PNPT1: variants seen among roughly 807,000 people sequenced by gnomAD.
PNPT1 encodes the protein polyribonucleotide nucleotidyltransferase 1.
In PNPT1, 53 loss-of-function variants were observed where a neutral mutation model predicts 119.5. The ratio of observed to expected loss-of-function variants is 0.44; its 90% CI spans 0.36 to 0.56. The LOEUF (loss-of-function observed/expected upper bound fraction) is 0.56, where lower values mean the gene tolerates loss of function less well. Among genes scored for constraint, PNPT1 ranks in the 20% least tolerant of loss-of-function variants. PNPT1 has a pLI of 0.00. For synonymous variants in PNPT1, 357 were observed against 322.1 expected (o/e 1.11, Z -1.16); for missense variants, 948 against 938.5 (o/e 1.01, Z -0.13).
chr2:55,652,043 T>G (rs1257180442), intron 18 of PNPT1, among the ~76,000 whole-genome samples: 1 of 152,224 alleles, frequency 6.6e-6, no homozygotes, highest in Admixed American at 6.5e-5. Flanking sequence ...GCTCCTAATA[T>G]GCCCAGTCAA....
At position 55,656,151 on chromosome 2, in the gene PNPT1, G is replaced by C; in HGVS notation, c.1421C>G (p.Ser474Cys). 1 of 1,613,316 alleles carries C rather than the reference G, an allele frequency of 6.2e-7. No homozygotes were observed. ...CATACCATTTGACTCTAGGACTTCA[G>C]ATGTAACTCTTATGGTGAAAGGAAA... ...RDFPFTIRVT[S>C]EVLESNGSSS... Residue 474 changes from serine (S) to cysteine (C), a missense_variant, in exon 17 of 28, where the codon TCT (serine) becomes TGT (cysteine). Ser to Cys is a moderately radical substitution (Grantham distance 112). Transcript: ENST00000447944.
At chr2:55,650,369 T>C (rs1696136709) in intron 18 of PNPT1, among the ~76,000 whole-genome samples, 4 of 152,204 alleles carry the variant, frequency 2.6e-5, no homozygotes, top group African/African-American at 9.7e-5. Context: ...GGTCTCCAGC[T>C]CCTAACTGCG....
chr2:55,646,862 A>G (rs1559089297), intron 19 of PNPT1, among the ~76,000 whole-genome samples: 3 of 152,102 alleles, frequency 2.0e-5, no homozygotes, highest in Non-Finnish European at 2.9e-5. Flanking sequence ...ATTTTGAGAC[A>G]CAGTCTTGCT....
rs143995970 is a variant in PNPT1, at chr2:55,635,084, A to G, written c.*1153T>C. ...TTTATAAGATTTTAAAAAAGATTAC[A>G]CATTCTAAATTATGACGTCCACATA... On this transcript the variant is annotated 3_prime_UTR_variant, in exon 28 of 28. Coordinates refer to ENST00000447944, the MANE Select transcript of PNPT1 (RefSeq NM_033109.5). 6.6e-6 allele frequency: 1 copy of G among 152,274 alleles called. No individual in the cohort carries two copies. The highest frequency in any genetic ancestry group is 2.4e-5 in the African/African-American group (1 of 41,548). The allele number at this position is 152,274 out of a possible 1,614,324, so 9.4% of individuals were successfully genotyped here.
intron 5 of PNPT1, 140 bp from the exon 6 acceptor site, chr2:55,681,058 G>T: frequency 1.5e-6 from 1 of 669,684 alleles, no homozygotes; most frequent in Non-Finnish European, 2.6e-6. Context: ...TAAACGAAAT[G>T]CTTGACATTG....
At chr2:55,660,825 T>G (rs79312811) in intron 14 of PNPT1, among the ~76,000 whole-genome samples, 1 of 152,322 alleles carries the variant, frequency 6.6e-6, no homozygotes, top group Non-Finnish European at 1.5e-5. Context: ...GGAGGTACCC[T>G]GACCAAGCCC....
chr2:55,660,310 T>A, intron 14 of PNPT1, 117 bp from the exon 15 acceptor site: 12 of 1,086,044 alleles, frequency 1.1e-5, no homozygotes, highest in Non-Finnish European at 1.4e-5. Flanking sequence ...TAATGAAAAA[T>A]CAGACTGAAA....
intron 26 of PNPT1, among the ~76,000 whole-genome samples, chr2:55,639,629 G>A (rs1042363401): frequency 2.6e-5 from 4 of 151,862 alleles, no homozygotes; most frequent in African/African-American, 4.8e-5. Flanking sequence ...TCATTCTTAC[G>A]GATTTATAAA....
rs552326409 is a variant in PNPT1 at position 55,678,308 on chromosome 2, A to C, written c.679+1374T>G. Among the ~76,000 whole-genome samples the C allele has an allele frequency of 5.9e-5, 9 of 152,308 alleles. No individual in the cohort carries two copies. In the South Asian group the frequency reaches 1.9e-3, roughly 32 times the overall value. The stretch of plus-strand genomic sequence containing the variant: ...ATTCATGGCTTCCCCATTCTTTGGA[A>C]TATCCTCTCTACATTTTGATAGTTA... On this transcript the variant is annotated intron_variant, in intron 8 of 27. Coordinates refer to ENST00000447944, the MANE Select transcript of PNPT1 (RefSeq NM_033109.5).
chr2:55,688,756 A>T (rs1261387257), intron 1 of PNPT1, among the ~76,000 whole-genome samples: 2 of 151,638 alleles, frequency 1.3e-5, no homozygotes, highest in Admixed American at 1.3e-4. Flanking sequence ...AACAACAACA[A>T]CAACAACAAC....
chr2:55,642,599 C>A (rs1418108679), intron 25 of PNPT1, among the ~76,000 whole-genome samples: 2 of 104,784 alleles, frequency 1.9e-5, no homozygotes, highest in African/African-American at 4.5e-5. Context: ...GAGCGAGACT[C>A]TGTCCCAAAA....
rs138300494 is a variant in PNPT1, at chr2:55,637,610, A to G, written c.2149-11T>C. On this transcript the variant is annotated splice_polypyrimidine_tract_variant and intron_variant, in intron 26 of 27. Transcript: ENST00000447944. ...AGTAGGATGTTTAATCTGGAAAAAA[A>G]AATGTTAATCTATTAGTTGTTGTGC... 1 of 1,592,464 alleles carries G rather than the reference A, an allele frequency of 6.3e-7. No individual in the cohort carries two copies. Among genetic ancestry groups the G allele is most frequent in the East Asian group, 2.2e-5 (1 of 44,756 alleles).
intron 25 of PNPT1, among the ~76,000 whole-genome samples, chr2:55,641,057 C>G (rs1169190126): frequency 6.6e-6 from 1 of 151,902 alleles, no homozygotes; most frequent in Non-Finnish European, 1.5e-5. Flanking sequence ...AACCCCGTCT[C>G]TACTAAAAAT....
chr2:55,678,095 A>T (rs1381008292), intron 8 of PNPT1, among the ~76,000 whole-genome samples: 3 of 152,206 alleles, frequency 2.0e-5, no homozygotes, highest in East Asian at 3.9e-4. Flanking sequence ...ATTAGGTAAC[A>T]TGCTGGGCAC....
At chr2:55,686,862 G>A (rs1177567311) in intron 2 of PNPT1, among the ~76,000 whole-genome samples, 2 of 152,104 alleles carry the variant, frequency 1.3e-5, no homozygotes, top group South Asian at 2.1e-4. Flanking sequence ...GGGCACGGTC[G>A]CTCACACTTG....
In PNPT1 at chr2:55,645,340, A is replaced by C. The variant is rs780163985; in HGVS notation, c.1822+9T>G. 6.3e-7 allele frequency: 1 copy of C among 1,589,254 alleles called. No individual in the cohort carries two copies. The highest frequency in any genetic ancestry group is 2.2e-5 in the East Asian group (1 of 44,644). ...CGCCCAGCCGATCACTAAAATTTTA[A>C]TGTATTACCTACAACAGGTCCATTT... On this transcript the variant is annotated intron_variant, in intron 22 of 27. Transcript: ENST00000447944.
intron 19 of PNPT1, among the ~76,000 whole-genome samples, 182 bp from the exon 20 acceptor site, chr2:55,646,668 T>C (rs1696014490): frequency 1.3e-5 from 2 of 152,228 alleles, no homozygotes. Flanking sequence ...ACAATTATTT[T>C]CACCAGAAAC....
intron 1 of PNPT1, among the ~76,000 whole-genome samples, chr2:55,692,120 G>A (rs772522095): frequency 6.6e-6 from 1 of 151,594 alleles, no homozygotes; most frequent in Admixed American, 6.6e-5. Context: ...CCTGACCTCA[G>A]GAGATCCACC....
intron 14 of PNPT1, among the ~76,000 whole-genome samples, chr2:55,661,597 A>G (rs1696578184): frequency 6.6e-6 from 1 of 152,094 alleles, no homozygotes; most frequent in African/African-American, 2.4e-5. Context: ...CCTCCAGATT[A>G]TTTTCAGCAA....
Sources: gnomAD v4.1 joint callset for allele counts (sites outside exome capture counted in the v4.1 genomes callset) on GRCh38, gnomAD v4.1.1 for gene constraint, MANE v1.5 for transcripts, NCBI Gene and HGNC (gene_info 2026-07-23, HGNC 2026-07-21) for gene names.